Variants in PLAAT3 observed in about 807,000 individuals in gnomAD.
The protein encoded by PLAAT3 is Ca-independent phospholipase A1/2.
PLAAT3 carries 21 observed loss-of-function variants against 16.7 expected under a neutral mutation model. The ratio of observed to expected loss-of-function variants is 1.26; its 90% CI spans 0.89 to 1.81. The LOEUF (loss-of-function observed/expected upper bound fraction) is 1.81. Among genes scored for constraint, PLAAT3 ranks in the 40% most tolerant of loss-of-function variants. The pLI is 0.00. For synonymous variants in PLAAT3, 76 were observed against 81.7 expected, an observed-to-expected ratio of 0.93 and a Z score of 0.38; for missense variants, 219 against 213.7, an observed-to-expected ratio of 1.02 and a Z score of -0.16.
intron 2 of PLAAT3, among the ~76,000 whole-genome samples, chr11:63,603,483 T>A (rs2134424662): frequency 6.6e-6 from 1 of 152,254 alleles, no homozygotes; most frequent in South Asian, 2.1e-4. Flanking sequence ...TTCTGGTCTC[T>A]GAAATTCACA....
intron 4 of PLAAT3, among the ~76,000 whole-genome samples, chr11:63,581,647 A>G (rs1937818778): frequency 6.6e-6 from 1 of 152,218 alleles, no homozygotes; most frequent in Admixed American, 6.5e-5. Flanking sequence ...CCTTTGAAGC[A>G]TGTGATCCTT....
chr11:63,583,723 C>G (rs1937885655), intron 4 of PLAAT3, among the ~76,000 whole-genome samples: 1 of 152,128 alleles, frequency 6.6e-6, no homozygotes, highest in South Asian at 2.1e-4. Flanking sequence ...TGGTGTGTGT[C>G]ACAGGTCTTA....
At chr11:63,605,827 C>T (rs1377083794) in intron 2 of PLAAT3, among the ~76,000 whole-genome samples, 1 of 152,132 alleles carries the variant, frequency 6.6e-6, no homozygotes. Context: ...GCTAAGATTA[C>T]AGACATGAGC....
In PLAAT3 at chr11:63,598,178, A is replaced by T; in HGVS notation, c.16-15T>A. On this transcript the variant is annotated splice_polypyrimidine_tract_variant and intron_variant, in intron 2 of 4. Coordinates refer to ENST00000415826, the MANE Select transcript of PLAAT3 (RefSeq NM_001128203.2). ...TTAGGCTCTGGCTGCAAAACCAAGA[A>T]CAGGGCTGTTAGAGGGAGCATGAGA... The T allele has an allele frequency of 3.2e-6, 5 of 1,582,460 alleles. No individual in the cohort carries two copies. The highest frequency in any genetic ancestry group is 4.3e-6 in the Non-Finnish European group (5 of 1,151,178).
upstream of PLAAT3, among the ~76,000 whole-genome samples, chr11:63,615,017 A>AATATATATATATATATATATATATAT (rs1338719563): frequency 4.0e-4 from 7 of 17,512 alleles, no homozygotes; most frequent in South Asian, 5.3e-3. Flanking sequence ...TCAGTCTCAA[A>AATATATATATATATATATATATATAT]ATATATATAT....
chr11:63,582,773 CA>C (rs1292600954), intron 4 of PLAAT3, among the ~76,000 whole-genome samples: 1 of 152,138 alleles, frequency 6.6e-6, no homozygotes, highest in Non-Finnish European at 1.5e-5. Context: ...TCAGTAGCAT[CA>C]AGATACGTAT....
In PLAAT3 at chr11:63,598,158, C is replaced by T; in HGVS notation, c.21G>A (p.Glu7=). 1 of 1,612,670 alleles carries T rather than the reference C, an allele frequency of 6.2e-7. No homozygotes were observed. The highest frequency in any genetic ancestry group is 2.2e-5 in the East Asian group (1 of 44,880). MRAPIP[E]PKPGDLIEIF... ...TCTCAATCAGGTCTCCAGGCTTAGG[C>T]TCTGGCTGCAAAACCAAGAACAGGG... The change falls in exon 3 of 5, where the codon GAG becomes GAA. Residue 7 remains glutamate (E), a synonymous_variant. Coordinates refer to ENST00000415826, the MANE Select transcript of PLAAT3 (RefSeq NM_001128203.2).
intron 4 of PLAAT3, among the ~76,000 whole-genome samples, chr11:63,587,639 C>G (rs1938019266): frequency 6.6e-6 from 1 of 150,868 alleles, no homozygotes; most frequent in South Asian, 2.1e-4. Flanking sequence ...ACTGCAACCT[C>G]TGCCTCCTGG....
chr11:63,581,253 T>C (rs980325244), intron 4 of PLAAT3, among the ~76,000 whole-genome samples: 6 of 151,906 alleles, frequency 3.9e-5, no homozygotes, highest in African/African-American at 1.5e-4. Context: ...GCCTGCGGGG[T>C]CGGGCAGAAT....
Position 63,598,276 on chromosome 11 carries a change from T to C in PLAAT3, c.16-113A>G, listed in dbSNP as rs1312662254. On this transcript the variant is annotated intron_variant, in intron 2 of 4. Coordinates refer to ENST00000415826, the MANE Select transcript of PLAAT3 (RefSeq NM_001128203.2). ...CCCCAGCTATCAGCTCAGCAGAACA[T>C]ATGTCCTGAGCCCTGCTCTGCCAGG... 2.9e-5 allele frequency: 21 copies of C among 720,450 alleles called. No homozygotes were observed. In the South Asian group the frequency reaches 3.3e-4, roughly 11 times the overall value. 44.6% of individuals were successfully genotyped at this position (720,450 alleles called of 1,614,324 possible).
intron 2 of PLAAT3, among the ~76,000 whole-genome samples, chr11:63,612,645 C>T (rs1938721744): frequency 6.6e-6 from 1 of 152,216 alleles, no homozygotes; most frequent in Admixed American, 6.5e-5. Flanking sequence ...GTTTCAAAAA[C>T]AGAAGTTGTA....
At chr11:63,597,313 A>G (rs1938313969) in intron 3 of PLAAT3, among the ~76,000 whole-genome samples, 4 of 152,108 alleles carry the variant, frequency 2.6e-5, no homozygotes, top group Non-Finnish European at 5.9e-5. Flanking sequence ...TCACGAGGTC[A>G]GGAGATCGAG....
chr11:63,593,082 A>G (rs1325802686), intron 3 of PLAAT3, among the ~76,000 whole-genome samples: 4 of 152,124 alleles, frequency 2.6e-5, no homozygotes, highest in East Asian at 1.9e-4. Flanking sequence ...AGTGCAGCCA[A>G]TCAATACTGA....
At chr11:63,597,881 G>A (rs1416173252) in intron 3 of PLAAT3, among the ~76,000 whole-genome samples, 180 bp downstream of exon 3, 1 of 152,208 alleles carries the variant, frequency 6.6e-6, no homozygotes, top group Non-Finnish European at 1.5e-5. Context: ...CCCAGGAGCA[G>A]ACCTTGAAAA....
At chr11:63,614,554 GC>G, upstream of PLAAT3, 2 of 154,752 alleles carry the variant, frequency 1.3e-5, no homozygotes, top group Non-Finnish European at 2.9e-5. Context: ...GGACGCCCGC[GC>G]CCCCGGCACC....
intron 2 of PLAAT3, among the ~76,000 whole-genome samples, chr11:63,610,228 C>T (rs1938660906): frequency 6.6e-6 from 1 of 152,210 alleles, no homozygotes; most frequent in Admixed American, 6.5e-5. Flanking sequence ...TTGCCGTTCA[C>T]CTGGAAGATT....
chr11:63,583,287 G>C (rs966893541), intron 4 of PLAAT3, among the ~76,000 whole-genome samples: 1 of 152,306 alleles, frequency 6.6e-6, no homozygotes, highest in East Asian at 1.9e-4. Flanking sequence ...GGGTTAACTT[G>C]CTAGGGAACC....
intron 4 of PLAAT3, among the ~76,000 whole-genome samples, chr11:63,577,871 T>C (rs1449416156): frequency 6.6e-6 from 1 of 151,050 alleles, no homozygotes; most frequent in African/African-American, 2.4e-5. Context: ...AAAATAAAAA[T>C]GTGAAAAAAC....
At chr11:63,581,305 G>A (rs1937808345) in intron 4 of PLAAT3, among the ~76,000 whole-genome samples, 1 of 152,206 alleles carries the variant, frequency 6.6e-6, no homozygotes, top group Admixed American at 6.5e-5. Context: ...ATAGACAGAT[G>A]TGTGAGTAGG....
Sources: allele counts gnomAD v4.1 joint callset (sites outside exome capture counted in the v4.1 genomes callset), GRCh38; gene constraint gnomAD v4.1.1; transcripts MANE v1.5; gene names NCBI Gene and HGNC (gene_info 2026-07-23, HGNC 2026-07-21).